RUNX1T1: variants seen among roughly 807,000 people sequenced by gnomAD.
RUNX1T1 encodes RUNX1 partner transcriptional co-repressor 1, also known as protein CBFA2T1.
Under a neutral mutation model 62.8 loss-of-function variants are expected in RUNX1T1, and 4 were observed. The observed-to-expected ratio is 0.06, with a 90% CI of 0.03 to 0.15. RUNX1T1 has a LOEUF of 0.15. Ranked by LOEUF, RUNX1T1 falls within the 10% of genes least tolerant of loss-of-function variation. RUNX1T1 has a pLI of 1.00. For synonymous variants in RUNX1T1, 291 were observed against 286.0 expected (o/e 1.02, Z -0.18); for missense variants, 508 against 754.3 (o/e 0.67, Z 3.82).
intron 5 of RUNX1T1, among the ~76,000 whole-genome samples, chr8:91,995,478 T>G (rs1454796880): frequency 1.3e-5 from 2 of 152,166 alleles, no homozygotes; most frequent in Non-Finnish European, 2.9e-5. Flanking sequence ...ATAGTTTACA[T>G]TCTAACAGTT....
chr8:92,056,869 T>C (rs1291875972), intron 1 of RUNX1T1, among the ~76,000 whole-genome samples: 1 of 152,166 alleles, frequency 6.6e-6, no homozygotes, highest in East Asian at 1.9e-4. Flanking sequence ...AAACCATCCA[T>C]CTGACCTTCC....
At chr8:92,024,787 A>T (rs1824828861) in intron 1 of RUNX1T1, among the ~76,000 whole-genome samples, 1 of 151,774 alleles carries the variant, frequency 6.6e-6, no homozygotes, top group Non-Finnish European at 1.5e-5. Context: ...AACTACTGAC[A>T]TTTTCCCCTA....
chr8:92,043,207 TAA>T (rs1563831247), intron 1 of RUNX1T1, among the ~76,000 whole-genome samples: 2 of 152,162 alleles, frequency 1.3e-5, no homozygotes, highest in East Asian at 1.9e-4. Flanking sequence ...TCCAAAAAAA[TAA>T]AGTTTCCACA....
chr8:92,033,305 T>C (rs2131328376), intron 1 of RUNX1T1, among the ~76,000 whole-genome samples: 1 of 152,230 alleles, frequency 6.6e-6, no homozygotes, highest in South Asian at 2.1e-4. Context: ...TACTACCACA[T>C]GGGGGGAAGT....
At chr8:91,957,348 C>A (rs1439761347), downstream of RUNX1T1, 1 of 224,692 alleles carries the variant, frequency 4.5e-6, no homozygotes, top group Non-Finnish European at 8.9e-6. Context: ...TTTGACTAGA[C>A]CAGTTTTTGT....
chr8:92,061,845 G>A (rs1260650344), intron 1 of RUNX1T1, among the ~76,000 whole-genome samples: 2 of 152,048 alleles, frequency 1.3e-5, no homozygotes, highest in Non-Finnish European at 2.9e-5. Context: ...GAGAACAGCC[G>A]AAACAACCCT....
chr8:92,074,037 A>G (rs571148276), intron 2 of RUNX1T1, among the ~76,000 whole-genome samples: 1 of 152,274 alleles, frequency 6.6e-6, no homozygotes, highest in South Asian at 2.1e-4. Context: ...AACAAAGAAA[A>G]CCCAACAGTT....
chr8:91,959,434 G>C (rs953865168), exon 11 of RUNX1T1: 2,006 of 132,326 alleles, frequency 0.015, 147 homozygotes, highest in South Asian at 0.02. Flanking sequence ...GTGTGTGTGT[G>C]TGTGTGTGTG....
rs1010142390 is a variant in RUNX1T1, at chr8:91,979,596, T to C, written c.1199-3623A>G. 2.0e-5 allele frequency among the ~76,000 whole-genome samples: 3 copies of C among 151,256 alleles called. No individual in the cohort carries two copies. The East Asian group carries it at 5.9e-4, about 29-fold the overall frequency. The stretch of plus-strand genomic sequence containing the variant: ...AGTCTAGCTTGCTTTGGGATGCAAA[T>C]TGCTTGGGGCGGGGGGTGGTGGTGA... On this transcript the variant is annotated intron_variant, in intron 8 of 10. Coordinates refer to ENST00000396218, the Ensembl canonical transcript of RUNX1T1.
At chr8:92,094,923 C>T (rs897116920) in intron 1 of RUNX1T1, 53 of 787,534 alleles carry the variant, frequency 6.7e-5, no homozygotes, top group Middle Eastern at 2.5e-4. Flanking sequence ...CTTCAGCGTC[C>T]AGTCAATAAA....
downstream of RUNX1T1, chr8:91,958,431 C>A: frequency 5.1e-6 from 1 of 196,416 alleles, no homozygotes; most frequent in Non-Finnish European, 1.1e-5. Flanking sequence ...GCTGACTTCC[C>A]TTTTTGTAAG....
At chr8:92,048,467 C>T (rs1712469998) in intron 1 of RUNX1T1, among the ~76,000 whole-genome samples, 1 of 151,902 alleles carries the variant, frequency 6.6e-6, no homozygotes, top group Non-Finnish European at 1.5e-5. Context: ...CTGCTTGAGC[C>T]CAGGAGTTCA....
chr8:92,007,967 CA>C (rs34232877), intron 4 of RUNX1T1, among the ~76,000 whole-genome samples: 1,312 of 85,386 alleles, frequency 0.015, 11 homozygotes, highest in African/African-American at 0.04. Context: ...GACTTTGTTT[CA>C]AAAAAAAAAA....
At chr8:92,043,999 C>T (rs1381028957) in intron 1 of RUNX1T1, among the ~76,000 whole-genome samples, 3 of 148,464 alleles carry the variant, frequency 2.0e-5, no homozygotes, top group African/African-American at 4.9e-5. Flanking sequence ...AAAAAAAAAC[C>T]TTAAGCTGAA....
intron 8 of RUNX1T1, among the ~76,000 whole-genome samples, chr8:91,981,689 ACAGGCGT>A (rs1430603097): frequency 3.3e-5 from 5 of 151,976 alleles, no homozygotes; most frequent in Non-Finnish European, 7.4e-5. Context: ...TGCTGGGATT[ACAGGCGT>A]CAGCCAACAC....
At chr8:92,093,655 A>G (rs1347161256) in intron 1 of RUNX1T1, among the ~76,000 whole-genome samples, 1 of 152,190 alleles carries the variant, frequency 6.6e-6, no homozygotes, top group Non-Finnish European at 1.5e-5. Context: ...GGGAACTTAC[A>G]CATTATTTTA....
rs1366542490 is a variant in RUNX1T1, at chr8:91,986,970, A to G, written c.913T>C (p.Leu305=). Residue 305 remains leucine (L), a splice_region_variant and synonymous_variant, in exon 7 of 11, where the codon TTG becomes CTG. Coordinates refer to ENST00000396218, the Ensembl canonical transcript of RUNX1T1. ...ATTTCTTCTTGACGTGTGCCATGCA[A>G]CCCTACAAAAATAGAGAAGGCTGAA... 1.9e-6 allele frequency: 3 copies of G among 1,606,568 alleles called. No homozygotes were observed. In the South Asian group the frequency reaches 3.3e-5, roughly 18 times the overall value.
At chr8:92,034,745 C>CACACATATATACACACGTAT (rs1563810019) in intron 1 of RUNX1T1, among the ~76,000 whole-genome samples, 15 of 148,568 alleles carry the variant, frequency 1.0e-4, no homozygotes, top group Admixed American at 1.4e-4. Context: ...CATATATATA[C>CACACATATATACACACGTAT]ACATATATAT....
At chr8:91,971,344 C>G (rs920302667) in intron 9 of RUNX1T1, among the ~76,000 whole-genome samples, 1 of 152,012 alleles carries the variant, frequency 6.6e-6, no homozygotes. Context: ...AGTCAGTTTT[C>G]CACAATGCTA....
Sources: allele counts gnomAD v4.1 joint callset (sites outside exome capture counted in the v4.1 genomes callset), GRCh38; gene constraint gnomAD v4.1.1; transcripts MANE v1.5; gene names NCBI Gene and HGNC (gene_info 2026-07-23, HGNC 2026-07-21).